The following ATP6V0A2 variants were observed in gnomAD, a reference collection of about 807,000 sequenced individuals.
ATP6V0A2 encodes V-type proton ATPase 116 kDa subunit a 2.
Under a neutral mutation model 104.4 loss-of-function variants are expected in ATP6V0A2, and 58 were observed. The ratio of observed to expected loss-of-function variants is 0.56; its 90% confidence interval spans 0.45 to 0.69. The LOEUF (loss-of-function observed/expected upper bound fraction) is 0.69, where lower values mean the gene tolerates loss of function less well. Among genes scored for constraint, ATP6V0A2 ranks in the 30% least tolerant of loss-of-function variants. The pLI is 0.00. For missense variants in ATP6V0A2, 938 were observed against 1,062.9 expected (o/e 0.88, Z 1.63); for synonymous variants, 376 against 397.9 (o/e 0.95, Z 0.65).
At chr12:123,743,658 A>G (rs560210864) in intron 9 of ATP6V0A2, 127 bp from the exon 10 acceptor site, 3 of 1,156,504 alleles carry the variant, frequency 2.6e-6, no homozygotes, top group South Asian at 1.3e-5. Context: ...CGTCTCAAAA[A>G]AAAACAAAAC....
chr12:123,737,401 T>C (rs1479533742), intron 9 of ATP6V0A2, 130 bp downstream of exon 9: 1 of 920,550 alleles, frequency 1.1e-6, no homozygotes, highest in African/African-American at 1.6e-5. Flanking sequence ...TTCTTTTGTT[T>C]TTTTAAAATA....
chr12:123,756,102 G>T (rs1431341512), intron 18 of ATP6V0A2, among the ~76,000 whole-genome samples: 4 of 145,536 alleles, frequency 2.7e-5, no homozygotes, highest in African/African-American at 1.0e-4. Flanking sequence ...AAAAAAAACC[G>T]AAAAACAACT....
At chr12:123,731,309 C>T (rs987241454) in intron 6 of ATP6V0A2, 2 of 152,178 alleles carry the variant, frequency 1.3e-5, no homozygotes, top group Non-Finnish European at 2.9e-5. Flanking sequence ...TTTATAGTGT[C>T]AGGTTTACTG....
chr12:123,737,639 T>C (rs2135902523), intron 9 of ATP6V0A2: 1 of 311,420 alleles, frequency 3.2e-6, no homozygotes, highest in African/African-American at 2.2e-5. Flanking sequence ...TTTTGAGTAA[T>C]TCATTCACAT....
chr12:123,750,625 T>TAA (rs1309349768), intron 15 of ATP6V0A2: 1 of 208,034 alleles, frequency 4.8e-6, no homozygotes, highest in African/African-American at 2.3e-5. Flanking sequence ...AAATCTTCGT[T>TAA]TTTCTAAGGA....
At position 123,754,445 on chromosome 12, in the gene ATP6V0A2, C is replaced by A. The variant is rs746051694; in HGVS notation, c.2201C>A (p.Thr734Asn). ...EEFNFGEILMTQVIHSIEYCL... is the reference protein window; with the variant it reads ...EEFNFGEILMNQVIHSIEYCL... The stretch of plus-strand genomic sequence containing the variant: ...TTTAATTTTGGAGAAATATTAATGA[C>A]CCAAGTAATCCATTCCATCGAGTAC... Residue 734 changes from threonine (T) to asparagine (N), a missense_variant, in exon 18 of 20, where the codon ACC (threonine) becomes AAC (asparagine). Transcript: ENST00000330342. The A allele has an allele frequency of 6.2e-7, 1 of 1,613,306 alleles. No homozygotes were observed. The highest frequency in any genetic ancestry group is 1.7e-5 in the Admixed American group (1 of 60,022).
In ATP6V0A2 at chr12:123,737,122, A is replaced by T; in HGVS notation, c.889A>T (p.Ser297Cys). ...ATGTAAAGCCGCCGAGTCTGTCTAC[A>T]GCCGTGTGATCCAGGTGAAGAAAAT... ...VLCKAAESVY[S>C]RVIQVKKMKA... The change falls in exon 9 of 20, where the codon AGC becomes TGC. Residue 297 changes from serine to cysteine, a missense_variant. Physicochemically the swap from Ser to Cys is moderately radical, Grantham distance 112. Transcript: ENST00000330342. 1 of 1,614,230 alleles carries T rather than the reference A, an allele frequency of 6.2e-7. No individual in the cohort carries two copies. Among genetic ancestry groups the T allele is most frequent in the South Asian group, 1.1e-5 (1 of 91,084 alleles).
At chr12:123,753,626 T>C (rs1956736989) in intron 17 of ATP6V0A2, among the ~76,000 whole-genome samples, 1 of 152,222 alleles carries the variant, frequency 6.6e-6, no homozygotes, top group Non-Finnish European at 1.5e-5. Flanking sequence ...CGGTTAGGGC[T>C]TCAGCATAAG....
chr12:123,760,482 A>G lies in ATP6V0A2; in HGVS notation c.*2450A>G, dbSNP rs1042977687. On this transcript the variant is annotated 3_prime_UTR_variant, in exon 20 of 20. Coordinates refer to ENST00000330342, the MANE Select transcript of ATP6V0A2 (RefSeq NM_012463.4). ...TTTGTTAAGGCTTTTGCTAGAACCT[A>G]TTATGTATCCAGTTTTTAAAACATA... 1 of 152,156 alleles carries G rather than the reference A, an allele frequency of 6.6e-6. No individual in the cohort carries two copies. The highest frequency in any genetic ancestry group is 1.5e-5 in the Non-Finnish European group (1 of 68,024). The allele number at this position is 152,156 out of a possible 1,614,324, so 9.4% of individuals were successfully genotyped here. A position where few individuals can be genotyped will look rare whatever the true frequency, so the allele number is the denominator to read the frequency against.
chr12:123,750,923 A>G (rs1956708001), intron 15 of ATP6V0A2, 187 bp from the exon 16 acceptor site: 1 of 681,430 alleles, frequency 1.5e-6, no homozygotes, highest in Admixed American at 2.4e-5. Context: ...AATGTTATTC[A>G]TCAGTTCTAG....
chr12:123,723,816 A>C (rs1956423282), intron 3 of ATP6V0A2: 1 of 152,230 alleles, frequency 6.6e-6, no homozygotes, highest in Non-Finnish European at 1.5e-5. Context: ...ATAGTAACTC[A>C]TATGCTAGAG....
Position 123,712,476 on chromosome 12 carries a change from G to T in ATP6V0A2, c.-90G>T. 1.2e-6 allele frequency: 1 copy of T among 800,706 alleles called. No homozygotes were observed. The highest frequency in any genetic ancestry group is 1.8e-6 in the Non-Finnish European group (1 of 552,302). The allele number at this position is 800,706 out of a possible 1,614,324, so 49.6% of individuals were successfully genotyped here. A position where few individuals can be genotyped will look rare whatever the true frequency, so the allele number is the denominator to read the frequency against. On this transcript the variant is annotated 5_prime_UTR_variant, in exon 1 of 20. The change creates a new upstream start codon in the 5' untranslated region. Coordinates refer to ENST00000330342, the MANE Select transcript of ATP6V0A2 (RefSeq NM_012463.4). Reference sequence around the variant, plus strand: ...CGGCCAGGCCACAGGAAGAGCTCGAGGCCCGGGCCGCACCGGCTGAGTGTG... The same window carrying T: ...CGGCCAGGCCACAGGAAGAGCTCGATGCCCGGGCCGCACCGGCTGAGTGTG...
rs555331803 is a variant in ATP6V0A2 at position 123,736,006 on chromosome 12, G to A, written c.825+382G>A. 3.0e-3 allele frequency among the ~76,000 whole-genome samples: 450 copies of A among 151,920 alleles called. 2 individuals are homozygous for A. The highest frequency in any genetic ancestry group is 6.4e-3 in the Admixed American group (97 of 15,250). On this transcript the variant is annotated intron_variant, in intron 8 of 19. Transcript: ENST00000330342. ...TCCTGCCTCAGCCTCCCAAGTAGCCGGAATTACAGTCACGCACCACCATGC... is the reference window on the plus strand; with the variant it reads ...TCCTGCCTCAGCCTCCCAAGTAGCCAGAATTACAGTCACGCACCACCATGC...
intron 16 of ATP6V0A2, 40 bp from the exon 17 acceptor site, chr12:123,752,243 G>A (rs1266284628): frequency 6.2e-7 from 1 of 1,613,322 alleles, no homozygotes; most frequent in East Asian, 2.2e-5. Flanking sequence ...ACAACCTTGT[G>A]GTTTTACAGG....
chr12:123,726,251 T>C lies in ATP6V0A2; in HGVS notation c.487T>C (p.Tyr163His). ...PSLESDSLLDYSCMQRLGAKL... is the reference protein window; with the variant it reads ...PSLESDSLLDHSCMQRLGAKL... Reference sequence around the variant, plus strand: ...CTTAGAGAGTGATTCTTTGTTGGATTACAGCTGTATGCAGAGGCTGGGAGC... The same window carrying C: ...CTTAGAGAGTGATTCTTTGTTGGATCACAGCTGTATGCAGAGGCTGGGAGC... The change falls in exon 5 of 20, where the codon TAC becomes CAC. Residue 163 changes from tyrosine to histidine, a missense_variant. Coordinates refer to ENST00000330342, the MANE Select transcript of ATP6V0A2 (RefSeq NM_012463.4). 1 of 1,613,926 alleles carries C rather than the reference T, an allele frequency of 6.2e-7. No homozygotes were observed. Among genetic ancestry groups the C allele is most frequent in the Non-Finnish European group, 8.5e-7 (1 of 1,179,766 alleles).
rs141467923 is a variant in ATP6V0A2 at position 123,735,572 on chromosome 12, A to G, written c.773A>G (p.Glu258Gly). 1.5e-4 allele frequency: 241 copies of G among 1,614,080 alleles called. 1 individual carries two copies. The African/African-American group carries it at 3.0e-3, about 20-fold the overall frequency. ...TACCCCTATCCAAACACAGCCGAGG[A>G]GCGGAGGGAGATCCAGGAGGGGCTG... ...HVYPYPNTAE[E>G]RREIQEGLNT... Residue 258 changes from glutamate (E) to glycine (G), a missense_variant, in exon 8 of 20, where the codon GAG (glutamate) becomes GGG (glycine). Glu to Gly is a moderately conservative substitution (Grantham distance 98, BLOSUM62 -2). Coordinates refer to ENST00000330342, the MANE Select transcript of ATP6V0A2 (RefSeq NM_012463.4).
At chr12:123,739,479 T>C (rs1023265025) in intron 9 of ATP6V0A2, among the ~76,000 whole-genome samples, 12 of 152,274 alleles carry the variant, frequency 7.9e-5, no homozygotes, top group Non-Finnish European at 1.6e-4. Context: ...AGGATGCCTT[T>C]TTTTTCTGTC....
chr12:123,735,240 A>G (rs1466744875), intron 7 of ATP6V0A2, among the ~76,000 whole-genome samples: 1 of 151,798 alleles, frequency 6.6e-6, no homozygotes. Flanking sequence ...TCCCAGCCCA[A>G]GGACATTGTT....
At position 123,752,375 on chromosome 12, in the gene ATP6V0A2, T is replaced by C. The variant is rs962207534; in HGVS notation, c.2148T>C (p.Asp716=). 6.2e-7 allele frequency: 1 copy of C among 1,614,098 alleles called. No homozygotes were observed. Among genetic ancestry groups the C allele is most frequent in the Non-Finnish European group, 8.5e-7 (1 of 1,179,990 alleles). ...DIEEGNHQVE[D]GCREMACEEF... ...AAGAGGGAAATCACCAGGTGGAAGATGGATGTAGAGAAATGGCGTGTGAAG... is the reference window on the plus strand; with the variant it reads ...AAGAGGGAAATCACCAGGTGGAAGACGGATGTAGAGAAATGGCGTGTGAAG... The change falls in exon 17 of 20, where the codon GAT becomes GAC. Residue 716 remains aspartate (D), a synonymous_variant. Coordinates refer to ENST00000330342, the MANE Select transcript of ATP6V0A2 (RefSeq NM_012463.4).
Sources: gnomAD v4.1 joint callset for allele counts (sites outside exome capture counted in the v4.1 genomes callset) on GRCh38, gnomAD v4.1.1 for gene constraint, MANE v1.5 for transcripts, NCBI Gene and HGNC (gene_info 2026-07-23, HGNC 2026-07-21) for gene names.